The following ABLIM1 variants were observed in gnomAD, a reference collection of about 807,000 sequenced individuals.
The protein encoded by ABLIM1 is actin binding LIM protein 1.
ABLIM1 carries 40 observed loss-of-function variants against 107.0 expected under a neutral mutation model. That is an observed-to-expected ratio of 0.37 (90% CI 0.29 to 0.49). The LOEUF is 0.49. Ranked by LOEUF, ABLIM1 falls within the 20% of genes least tolerant of loss-of-function variation. The pLI is 0.97. For missense variants in ABLIM1, 857 were observed against 1,008.5 expected (o/e 0.85, Z 2.04); for synonymous variants, 357 against 357.3 (o/e 1.00, Z 0.01).
intron 4 of ABLIM1, among the ~76,000 whole-genome samples, chr10:114,570,317 C>T (rs1342454779): frequency 6.6e-6 from 1 of 152,122 alleles, no homozygotes; most frequent in African/African-American, 2.4e-5. Context: ...ATTGGCCACT[C>T]TTTTTATTTG....
upstream of ABLIM1, chr10:114,768,127 C>A: frequency 2.6e-6 from 1 of 385,002 alleles, no homozygotes. Flanking sequence ...CCGCAGGGCG[C>A]GGGGAAGAAG....
At chr10:114,526,933 C>G in intron 6 of ABLIM1, 5 of 985,490 alleles carry the variant, frequency 5.1e-6, no homozygotes, top group Non-Finnish European at 6.0e-6. Context: ...CCTCGCTTTA[C>G]TTACTAGTTC....
intron 1 of ABLIM1, among the ~76,000 whole-genome samples, chr10:114,614,219 A>C (rs1043864979): frequency 3.3e-5 from 5 of 152,150 alleles, no homozygotes; most frequent in Admixed American, 3.3e-4. Context: ...TGGGAGGCTG[A>C]GGCAGGTGGA....
At chr10:114,532,205 T>C (rs898617160) in intron 6 of ABLIM1, among the ~76,000 whole-genome samples, 1 of 152,208 alleles carries the variant, frequency 6.6e-6, no homozygotes, top group Non-Finnish European at 1.5e-5. Flanking sequence ...ACTCTATCCC[T>C]GTTTCCAAGG....
chr10:114,769,006 G>A (rs1046440465), upstream of ABLIM1, among the ~76,000 whole-genome samples: 2 of 151,684 alleles, frequency 1.3e-5, no homozygotes, highest in African/African-American at 4.8e-5. Flanking sequence ...CCACTCTCAC[G>A]CCCTGTCCTC....
At chr10:114,673,994 A>G (rs1407270962) in intron 1 of ABLIM1, among the ~76,000 whole-genome samples, 1 of 152,194 alleles carries the variant, frequency 6.6e-6, no homozygotes, top group Admixed American at 6.5e-5. Flanking sequence ...ATAGAGTTTA[A>G]GAGGGACCAT....
rs959944811 is a variant in ABLIM1 at position 114,431,669 on chromosome 10, T to C, written c.*4591A>G. On this transcript the variant is annotated 3_prime_UTR_variant, in exon 23 of 23. Coordinates refer to ENST00000533213, the MANE Select transcript of ABLIM1 (RefSeq NM_002313.7). ...CTACAGGATTGTCTCTGTCCACCTT[T>C]GGTCAATGGGTTCAGGAAGTGACTC... 6.6e-6 allele frequency: 1 copy of C among 152,236 alleles called. No homozygotes were observed. Among genetic ancestry groups the C allele is most frequent in the African/African-American group, 2.4e-5 (1 of 41,456 alleles). The allele number at this position is 152,236 out of a possible 1,614,324, so 9.4% of individuals were successfully genotyped here. A position where few individuals can be genotyped will look rare whatever the true frequency, so the allele number is the denominator to read the frequency against.
At chr10:114,713,655 G>T (rs1211304022) in intron 1 of ABLIM1, among the ~76,000 whole-genome samples, 1 of 152,120 alleles carries the variant, frequency 6.6e-6, no homozygotes, top group Non-Finnish European at 1.5e-5. Context: ...AACTTTCAGG[G>T]AGTTACGGGC....
the ABLIM1 span, among the ~76,000 whole-genome samples, chr10:114,800,125 C>T: frequency 1.3e-5 from 2 of 152,052 alleles, no homozygotes; most frequent in East Asian, 3.9e-4. Context: ...TGTTCAAAAC[C>T]CTCAAATGGC....
At chr10:114,577,099 C>T (rs1358047216) in intron 2 of ABLIM1, among the ~76,000 whole-genome samples, 1 of 152,168 alleles carries the variant, frequency 6.6e-6, no homozygotes, top group Admixed American at 6.5e-5. Flanking sequence ...GGTCACAGAA[C>T]CTTAGAGTGT....
At chr10:114,595,338 C>A (rs190533742) in intron 2 of ABLIM1, among the ~76,000 whole-genome samples, 13 of 152,296 alleles carry the variant, frequency 8.5e-5, no homozygotes, top group Admixed American at 3.3e-4. Context: ...GCAATTCCCC[C>A]AGAGAAGAAT....
At chr10:114,502,342 T>C (rs561311321) in intron 6 of ABLIM1, 2 of 153,426 alleles carry the variant, frequency 1.3e-5, no homozygotes, top group South Asian at 4.1e-4. Context: ...CATCCTGTTC[T>C]ATAGAGTTTT....
chr10:114,632,848 C>T lies in ABLIM1; in HGVS notation c.244+25109G>A, dbSNP rs779489371. 9.5e-6 allele frequency: 9 copies of T among 943,764 alleles called. No individual in the cohort carries two copies. In the Admixed American group the frequency reaches 4.9e-4, roughly 52 times the overall value. 58.5% of individuals were successfully genotyped at this position (943,764 alleles called of 1,614,324 possible). On this transcript the variant is annotated intron_variant, in intron 1 of 22. Coordinates refer to ENST00000533213, the MANE Select transcript of ABLIM1 (RefSeq NM_002313.7). ...ACAAACAGCCTCATCTAGTTCGGTC[C>T]ACCACCAGGATCAGCCTAAGCCTGA...
intron 6 of ABLIM1, among the ~76,000 whole-genome samples, chr10:114,526,386 A>G (rs1030893528): frequency 5.3e-5 from 8 of 152,200 alleles, no homozygotes; most frequent in African/African-American, 1.9e-4. Flanking sequence ...AACGCACTAC[A>G]CTTCTCAGTG....
intron 1 of ABLIM1, among the ~76,000 whole-genome samples, chr10:114,635,921 G>A (rs1591685104): frequency 6.6e-6 from 1 of 152,328 alleles, no homozygotes; most frequent in Middle Eastern, 3.4e-3. Flanking sequence ...TTTCTACTTA[G>A]TGTTGGCATC....
chr10:114,469,704 T>C (rs1370618698), intron 10 of ABLIM1, among the ~76,000 whole-genome samples: 1 of 152,224 alleles, frequency 6.6e-6, no homozygotes, highest in Non-Finnish European at 1.5e-5. Flanking sequence ...ACAAGCTCCA[T>C]GAGGGCAAGG....
chr10:114,785,853 C>A, the ABLIM1 span, among the ~76,000 whole-genome samples: 2 of 152,064 alleles, frequency 1.3e-5, no homozygotes, highest in South Asian at 4.1e-4. Flanking sequence ...CTCAGCTTTG[C>A]GAGTAGCTGG....
intron 1 of ABLIM1, chr10:114,690,531 C>CCTTCGTGTTCTGG: frequency 7.3e-7 from 1 of 1,373,208 alleles, no homozygotes; most frequent in Non-Finnish European, 1.0e-6. Context: ...GCCCAGAACA[C>CCTTCGTGTTCTGG]GAAGGTTTTC....
At chr10:114,571,221 CA>C in intron 4 of ABLIM1, 75 bp downstream of exon 4, 1 of 1,296,108 alleles carries the variant, frequency 7.7e-7, no homozygotes, top group Non-Finnish European at 1.1e-6. Context: ...CAGCGTTTCT[CA>C]AAAAGGAAGG....
Sources: gnomAD v4.1 joint callset for allele counts (sites outside exome capture counted in the v4.1 genomes callset) on GRCh38, gnomAD v4.1.1 for gene constraint, MANE v1.5 for transcripts, NCBI Gene and HGNC (gene_info 2026-07-23, HGNC 2026-07-21) for gene names.